The following RGS7 variants were observed in gnomAD, a reference collection of about 807,000 sequenced individuals.
RGS7 encodes the protein regulator of G protein signaling 7, also known as regulator of G-protein signaling 7.
A neutral mutation model predicts 81.1 loss-of-function variants in RGS7; 27 were observed. That is an observed-to-expected ratio of 0.33 (90% CI 0.25 to 0.46). The LOEUF (loss-of-function observed/expected upper bound fraction) is 0.46, where lower values mean the gene tolerates loss of function less well. Among genes scored for constraint, RGS7 ranks in the 20% least tolerant of loss-of-function variants. The probability of loss-of-function intolerance (pLI) is 1.00; values close to 1 mark genes in which losing one functional copy is unlikely to be tolerated. For synonymous variants in RGS7, 208 were observed against 207.7 expected, an observed-to-expected ratio of 1.00 and a Z score of -0.01; for missense variants, 396 against 607.4, an observed-to-expected ratio of 0.65 and a Z score of 3.66.
chr1:241,273,704 G>A (rs1031700886), intron 2 of RGS7, among the ~76,000 whole-genome samples: 4 of 152,106 alleles, frequency 2.6e-5, no homozygotes, highest in Non-Finnish European at 4.4e-5. Context: ...TGTACTTGGT[G>A]AGGCCTAAAG....
chr1:241,104,005 T>G (rs572501837), intron 2 of RGS7, among the ~76,000 whole-genome samples: 2 of 152,366 alleles, frequency 1.3e-5, no homozygotes, highest in African/African-American at 2.4e-5. Flanking sequence ...AGACCTGAGT[T>G]TGAATCCTGA....
intron 2 of RGS7, among the ~76,000 whole-genome samples, chr1:241,218,376 G>A (rs2074697393): frequency 6.6e-6 from 1 of 152,188 alleles, no homozygotes; most frequent in Admixed American, 6.5e-5. Context: ...CCATTGGGAA[G>A]GTGAGTGCAT....
At chr1:241,042,480 G>A (rs2148772583) in intron 3 of RGS7, among the ~76,000 whole-genome samples, 1 of 152,064 alleles carries the variant, frequency 6.6e-6, no homozygotes, top group African/African-American at 2.4e-5. Context: ...TTTACTAGTA[G>A]TCACTTTTAT....
At chr1:241,212,710 G>C (rs1044959174) in intron 2 of RGS7, among the ~76,000 whole-genome samples, 3 of 152,140 alleles carry the variant, frequency 2.0e-5, no homozygotes, top group Non-Finnish European at 4.4e-5. Context: ...TCGGCCATTT[G>C]CCCGAGGTGC....
chr1:241,216,853 G>A (rs2074588159), intron 2 of RGS7, among the ~76,000 whole-genome samples: 1 of 152,202 alleles, frequency 6.6e-6, no homozygotes, highest in Admixed American at 6.5e-5. Context: ...GCCTGCCTAA[G>A]AATGAAAATC....
intron 2 of RGS7, among the ~76,000 whole-genome samples, chr1:241,112,590 C>T (rs1380521831): frequency 1.3e-5 from 2 of 152,198 alleles, no homozygotes; most frequent in Non-Finnish European, 2.9e-5. Flanking sequence ...TTAGGTGTTT[C>T]ATGGTTTTCA....
chr1:240,888,503 G>A (rs1298947129), intron 6 of RGS7, among the ~76,000 whole-genome samples: 1 of 152,134 alleles, frequency 6.6e-6, no homozygotes, highest in Non-Finnish European at 1.5e-5. Context: ...GAGACCCGGC[G>A]ATGAACGCAG....
intron 6 of RGS7, among the ~76,000 whole-genome samples, chr1:240,899,091 G>T (rs1473453620): frequency 6.6e-6 from 1 of 151,778 alleles, no homozygotes; most frequent in East Asian, 1.9e-4. Context: ...TTTTACCAGA[G>T]ACTAGGATTG....
chr1:240,865,526 A>G (rs186961665), intron 9 of RGS7, among the ~76,000 whole-genome samples: 265 of 152,326 alleles, frequency 1.7e-3, no homozygotes, highest in African/African-American at 5.9e-3. Context: ...TCCTGTCTAG[A>G]AGACACTTAA....
At chr1:241,306,144 ACACACT>A (rs1332150518) in intron 2 of RGS7, among the ~76,000 whole-genome samples, 3 of 151,288 alleles carry the variant, frequency 2.0e-5, no homozygotes, top group African/African-American at 7.3e-5. Flanking sequence ...ACACACACAC[ACACACT>A]CACACACGTC....
rs1176470904 is a variant in RGS7 at position 240,916,873 on chromosome 1, A to C, written c.385+13844T>G. ...TATTTTGTTATGGTGGCTCTAGTAA[A>C]GGAATCCACCAAGCCACACAACAAG... is the stretch of plus-strand genomic sequence containing the variant. On this transcript the variant is annotated intron_variant, in intron 6 of 18. Coordinates refer to ENST00000440928, the MANE Select transcript of RGS7 (RefSeq NM_001364886.1). Among the ~76,000 whole-genome samples the C allele has an allele frequency of 3.3e-5, 5 of 152,178 alleles. No homozygotes were observed. In the East Asian group the frequency reaches 7.7e-4, roughly 23 times the overall value.
intron 3 of RGS7, among the ~76,000 whole-genome samples, chr1:241,041,769 A>G (rs2060631579): frequency 6.6e-6 from 1 of 152,192 alleles, no homozygotes. Flanking sequence ...TGGGGCTCTT[A>G]GCACCCAGGC....
At chr1:241,345,644 A>G (rs977832331) in intron 2 of RGS7, among the ~76,000 whole-genome samples, 7 of 152,226 alleles carry the variant, frequency 4.6e-5, no homozygotes, top group South Asian at 2.1e-4. Flanking sequence ...ATTGCAATAT[A>G]AACTGCAAGG....
At chr1:241,215,562 T>G (rs962806197) in intron 2 of RGS7, among the ~76,000 whole-genome samples, 4 of 152,204 alleles carry the variant, frequency 2.6e-5, no homozygotes, top group Non-Finnish European at 4.4e-5. Context: ...TTTCTAGTAT[T>G]TCCTCCCCCA....
intron 2 of RGS7, among the ~76,000 whole-genome samples, chr1:241,204,436 T>G (rs1012902967): frequency 6.6e-6 from 1 of 152,182 alleles, no homozygotes; most frequent in African/African-American, 2.4e-5. Flanking sequence ...ATCATACATT[T>G]TAGGTGGGTA....
At chr1:241,099,378 G>A (rs1227689600) in intron 2 of RGS7, among the ~76,000 whole-genome samples, 1 of 151,738 alleles carries the variant, frequency 6.6e-6, no homozygotes, top group African/African-American at 2.4e-5. Context: ...ACATGCACAT[G>A]TACACACACA....
intron 5 of RGS7, among the ~76,000 whole-genome samples, chr1:240,933,582 GT>G (rs1007245106): frequency 9.9e-5 from 15 of 151,570 alleles, no homozygotes; most frequent in African/African-American, 3.4e-4. Context: ...AACTCTTACA[GT>G]TTTTTTTGGA....
At chr1:241,047,212 G>C (rs1412103006) in intron 3 of RGS7, among the ~76,000 whole-genome samples, 1 of 152,112 alleles carries the variant, frequency 6.6e-6, no homozygotes, top group African/African-American at 2.4e-5. Context: ...CAATGATGAA[G>C]CACAGCCCAG....
intron 6 of RGS7, among the ~76,000 whole-genome samples, chr1:240,879,340 G>T (rs768680551): frequency 2.0e-5 from 3 of 152,002 alleles, no homozygotes; most frequent in African/African-American, 7.2e-5. Flanking sequence ...ACATGTATTT[G>T]CCTGGTATAT....
Sources: allele counts gnomAD v4.1 joint callset (sites outside exome capture counted in the v4.1 genomes callset), GRCh38; gene constraint gnomAD v4.1.1; transcripts MANE v1.5; gene names NCBI Gene and HGNC (gene_info 2026-07-23, HGNC 2026-07-21).